Variants in GNB5 observed in about 807,000 individuals in gnomAD.
The protein encoded by GNB5 is G protein subunit beta 5.
In GNB5, 37 loss-of-function variants were observed where a neutral mutation model predicts 55.3. That is an observed-to-expected ratio of 0.67 (90% CI 0.51 to 0.88). GNB5 has a LOEUF of 0.88. Ranked by LOEUF, GNB5 falls within the 40% of genes least tolerant of loss-of-function variation. The pLI, the probability that GNB5 is intolerant of heterozygous loss-of-function variation, is 0.00. For synonymous variants in GNB5, 219 were observed against 198.5 expected, an observed-to-expected ratio of 1.10 and a Z score of -0.87; for missense variants, 476 against 515.3, an observed-to-expected ratio of 0.92 and a Z score of 0.74.
intron 6 of GNB5, among the ~76,000 whole-genome samples, chr15:52,142,919 C>T (rs2033889913): frequency 1.3e-5 from 2 of 152,076 alleles, no homozygotes; most frequent in Admixed American, 1.3e-4. Flanking sequence ...CTTTGGGAGG[C>T]CCAGGCAGGC....
At chr15:52,157,704 G>T (rs1202897009) in intron 3 of GNB5, among the ~76,000 whole-genome samples, 1 of 151,968 alleles carries the variant, frequency 6.6e-6, no homozygotes, top group African/African-American at 2.4e-5. Flanking sequence ...TAAAAAAGAT[G>T]ATTCACCCAA....
chr15:52,173,734 T>C (rs1315523065), intron 3 of GNB5, among the ~76,000 whole-genome samples: 1 of 152,162 alleles, frequency 6.6e-6, no homozygotes. Flanking sequence ...CTATTCAACA[T>C]TAGAGTAGCT....
At chr15:52,173,694 T>C (rs1249752504) in intron 3 of GNB5, among the ~76,000 whole-genome samples, 1 of 152,220 alleles carries the variant, frequency 6.6e-6, no homozygotes, top group Non-Finnish European at 1.5e-5. Flanking sequence ...GGAGGACAGC[T>C]GTCCTGGGAG....
At chr15:52,133,926 T>C (rs2033639449) in intron 8 of GNB5, among the ~76,000 whole-genome samples, 1 of 152,202 alleles carries the variant, frequency 6.6e-6, no homozygotes, top group Non-Finnish European at 1.5e-5. Flanking sequence ...CAGCCGAGAG[T>C]CCCAGCTTTG....
chr15:52,172,306 A>AT (rs1263091240), intron 3 of GNB5, among the ~76,000 whole-genome samples: 11 of 150,944 alleles, frequency 7.3e-5, no homozygotes, highest in African/African-American at 2.4e-4. Context: ...GCTAATTTTT[A>AT]TTTTTTTATT....
At position 52,141,289 on chromosome 15, in the gene GNB5, G is replaced by T. The variant is rs767865644; in HGVS notation, c.495-17C>A. ...TCCAAACCACTAGGATGGAAAGAAAGAAGTACCAAAGATTAATGCAGAGTC... is the reference window on the plus strand; with the variant it reads ...TCCAAACCACTAGGATGGAAAGAAATAAGTACCAAAGATTAATGCAGAGTC... On this transcript the variant is annotated splice_polypyrimidine_tract_variant and intron_variant, in intron 6 of 12. Transcript: ENST00000261837. The T allele has an allele frequency of 6.2e-7, 1 of 1,611,752 alleles. No homozygotes were observed. Among genetic ancestry groups the T allele is most frequent in the Non-Finnish European group, 8.5e-7 (1 of 1,177,832 alleles).
intron 10 of GNB5, among the ~76,000 whole-genome samples, chr15:52,127,814 GAA>G (rs60081352): frequency 0.042 from 5,900 of 140,832 alleles, 338 homozygotes; most frequent in African/African-American, 0.12. Flanking sequence ...GTTTTTAACA[GAA>G]AAAAAAAAAA....
intron 9 of GNB5, among the ~76,000 whole-genome samples, chr15:52,130,302 G>A (rs2033542684): frequency 6.6e-6 from 1 of 152,174 alleles, no homozygotes; most frequent in Non-Finnish European, 1.5e-5. Flanking sequence ...TCAGCCTTGG[G>A]TGGACATGGT....
rs147163026 is a variant in GNB5 at position 52,136,064 on chromosome 15, A to AACACACACACACAC, written c.628-322_628-309dup. On this transcript the variant is annotated intron_variant, in intron 7 of 12. Coordinates refer to ENST00000261837, the MANE Select transcript of GNB5 (RefSeq NM_016194.4). Reference sequence around the variant, plus strand: ...CTTAACGTTTTGCAGGGAAAAGCAGAACACACACACACACACACACACACA... The same window carrying AACACACACACACAC: ...CTTAACGTTTTGCAGGGAAAAGCAGAACACACACACACACACACACACACACACACACACACACA... Among the ~76,000 whole-genome samples the AACACACACACACAC allele has an allele frequency of 2.3e-4, 23 of 98,044 alleles. 1 individual carries two copies. Among genetic ancestry groups the AACACACACACACAC allele is most frequent in the African/African-American group, 8.6e-4 (19 of 22,074 alleles). The allele number at this position is 98,044 out of a possible 152,430, so 64.3% of individuals were successfully genotyped here. A position where few individuals can be genotyped will look rare whatever the true frequency, so the allele number is the denominator to read the frequency against.
chr15:52,173,889 C>CTGTGTGAT (rs1420797684), intron 3 of GNB5, among the ~76,000 whole-genome samples: 1 of 152,192 alleles, frequency 6.6e-6, no homozygotes, highest in Non-Finnish European at 1.5e-5. Context: ...GATCTAAAAG[C>CTGTGTGAT]TGTGTGATAG....
chr15:52,188,298 A>C (rs1045192360), intron 1 of GNB5, among the ~76,000 whole-genome samples: 2 of 152,154 alleles, frequency 1.3e-5, no homozygotes, highest in Admixed American at 6.6e-5. Context: ...CTACAAACTA[A>C]ATTTAAAGCA....
chr15:52,125,157 C>T (rs1450154718), intron 11 of GNB5: 1 of 152,582 alleles, frequency 6.6e-6, no homozygotes, highest in Non-Finnish European at 1.5e-5. Context: ...GGTAGCCAGC[C>T]TGTTACCTCT....
At chr15:52,136,657 C>A (rs943788373) in intron 7 of GNB5, among the ~76,000 whole-genome samples, 157 of 152,244 alleles carry the variant, frequency 1.0e-3, no homozygotes, top group Non-Finnish European at 1.7e-3. Flanking sequence ...CTGACGGGTG[C>A]CAGAGGATAT....
rs1303503023 is a variant in GNB5 at position 52,120,806 on chromosome 15, T to C, written c.*1951A>G. 1.3e-5 allele frequency: 2 copies of C among 152,328 alleles called. No homozygotes were observed. Among genetic ancestry groups the C allele is most frequent in the Non-Finnish European group, 2.9e-5 (2 of 68,138 alleles). The allele number at this position is 152,328 out of a possible 1,614,324, so 9.4% of individuals were successfully genotyped here. A position where few individuals can be genotyped will look rare whatever the true frequency, so the allele number is the denominator to read the frequency against. ...CCATTTCCTGAGCCCCTGCCCAGAC[T>C]GGAATCTACTGGGACTAAAAAGCAC... On this transcript the variant is annotated 3_prime_UTR_variant, in exon 13 of 13. Coordinates refer to ENST00000261837, the MANE Select transcript of GNB5 (RefSeq NM_016194.4).
chr15:52,183,427 TGTAGAAATATACTACAG>T (rs2034802791), intron 2 of GNB5, among the ~76,000 whole-genome samples: 1 of 152,320 alleles, frequency 6.6e-6, no homozygotes, highest in South Asian at 2.1e-4. Flanking sequence ...GAACGTAGAC[TGTAGAAATATACTACAG>T]GTAGAAGCCC....
chr15:52,136,244 T>C (rs554270339), intron 7 of GNB5, among the ~76,000 whole-genome samples: 21 of 149,230 alleles, frequency 1.4e-4, no homozygotes, highest in Non-Finnish European at 2.7e-4. Flanking sequence ...GTGCATTTCC[T>C]ACCCTCACAG....
chr15:52,135,817 C>G (rs1193305071), intron 7 of GNB5, 61 bp from the exon 8 acceptor site: 1 of 1,554,800 alleles, frequency 6.4e-7, no homozygotes, highest in South Asian at 1.1e-5. Flanking sequence ...CGGGGGCAGT[C>G]AATCAGAGGC....
chr15:52,181,968 A>C (rs1216794585), intron 2 of GNB5, among the ~76,000 whole-genome samples: 1 of 152,194 alleles, frequency 6.6e-6, no homozygotes, highest in Non-Finnish European at 1.5e-5. Context: ...GAATATATAA[A>C]AGCAAAAATA....
chr15:52,173,161 A>G (rs1472944427), intron 3 of GNB5, among the ~76,000 whole-genome samples: 1 of 152,258 alleles, frequency 6.6e-6, no homozygotes, highest in Non-Finnish European at 1.5e-5. Context: ...CAATCAGTCA[A>G]CAAAGAATAA....
Sources: gnomAD v4.1 joint callset for allele counts (sites outside exome capture counted in the v4.1 genomes callset) on GRCh38, gnomAD v4.1.1 for gene constraint, MANE v1.5 for transcripts, NCBI Gene and HGNC (gene_info 2026-07-23, HGNC 2026-07-21) for gene names.